UBE2R2: variants seen among roughly 807,000 people sequenced by gnomAD.
UBE2R2 encodes the protein ubiquitin-conjugating enzyme E2 R2.
UBE2R2 carries 1 observed loss-of-function variant against 27.8 expected under a neutral mutation model. That is an observed-to-expected ratio of 0.04 (90% CI 0.01 to 0.17). UBE2R2 has a LOEUF of 0.17. UBE2R2 is among the 10% of genes least tolerant of loss of function. UBE2R2 has a pLI of 1.00. For synonymous variants in UBE2R2, 106 were observed against 113.3 expected (o/e 0.94, Z 0.41); for missense variants, 100 against 291.0 (o/e 0.34, Z 4.78).
rs1825813507 is a variant in UBE2R2, at chr9:33,817,370, G to T, written c.-388G>T. ...GAGCGAGCGCGGCGTTCCCGGGCCGGCCCGGCCCCCTCCCTTCACCATCGC... is the reference window on the plus strand; with the variant it reads ...GAGCGAGCGCGGCGTTCCCGGGCCGTCCCGGCCCCCTCCCTTCACCATCGC... On this transcript the variant is annotated 5_prime_UTR_variant, in exon 1 of 5. Transcript: ENST00000263228. Among the ~76,000 whole-genome samples the T allele has an allele frequency of 6.7e-6, 1 of 149,764 alleles. No homozygotes were observed. Among genetic ancestry groups the T allele is most frequent in the Non-Finnish European group, 1.5e-5 (1 of 67,078 alleles).
chr9:33,848,761 C>G (rs62555908), intron 1 of UBE2R2, among the ~76,000 whole-genome samples: 1 of 151,798 alleles, frequency 6.6e-6, no homozygotes, highest in Non-Finnish European at 1.5e-5. Context: ...CCTGCCACCA[C>G]GCCTGGCAGA....
intron 1 of UBE2R2, among the ~76,000 whole-genome samples, chr9:33,827,127 T>C (rs1259137171): frequency 6.6e-6 from 1 of 152,040 alleles, no homozygotes; most frequent in East Asian, 1.9e-4. Context: ...TTTTGGTTAT[T>C]GTCTTATTAT....
Position 33,920,231 on chromosome 9 carries a change from T to TAATA in UBE2R2, c.*2995_*2998dup, listed in dbSNP as rs1252211986. On this transcript the variant is annotated 3_prime_UTR_variant, in exon 5 of 5. Coordinates refer to ENST00000263228, the MANE Select transcript of UBE2R2 (RefSeq NM_017811.4). ...GAAACCAGCAGGACACACCTGACTTTAATAGTTTTAGCTGAAATTGTAGAT... is the reference window on the plus strand; with the variant it reads ...GAAACCAGCAGGACACACCTGACTTTAATAAATAGTTTTAGCTGAAATTGTAGAT... 2 of 151,668 alleles carry TAATA rather than the reference T, an allele frequency of 1.3e-5. No homozygotes were observed. Among genetic ancestry groups the TAATA allele is most frequent in the African/African-American group, 4.9e-5 (2 of 40,518 alleles). 9.4% of individuals were successfully genotyped at this position (151,668 alleles called of 1,614,324 possible). A position where few individuals can be genotyped will look rare whatever the true frequency, so the allele number is the denominator to read the frequency against.
intron 1 of UBE2R2, among the ~76,000 whole-genome samples, chr9:33,873,569 A>T (rs1587460931): frequency 6.6e-6 from 1 of 152,204 alleles, no homozygotes; most frequent in South Asian, 2.1e-4. Flanking sequence ...CAAACTTCTT[A>T]AGGAAGTTCA....
At chr9:33,913,991 G>T (rs1259197286) in intron 4 of UBE2R2, among the ~76,000 whole-genome samples, 1 of 152,152 alleles carries the variant, frequency 6.6e-6, no homozygotes. Context: ...AGATCAGAAA[G>T]CTTAGGTATA....
At chr9:33,839,489 C>T (rs1292737835) in intron 1 of UBE2R2, among the ~76,000 whole-genome samples, 1 of 152,174 alleles carries the variant, frequency 6.6e-6, no homozygotes, top group Non-Finnish European at 1.5e-5. Context: ...CCACCCGCCT[C>T]AGCCTTCCAA....
intron 2 of UBE2R2, among the ~76,000 whole-genome samples, chr9:33,899,095 C>G (rs966719591): frequency 2.0e-5 from 3 of 152,178 alleles, no homozygotes; most frequent in Non-Finnish European, 2.9e-5. Context: ...AGATATTAAG[C>G]AAGGTTAGAT....
chr9:33,818,190 G>A (rs1825865704), intron 1 of UBE2R2, among the ~76,000 whole-genome samples: 1 of 152,184 alleles, frequency 6.6e-6, no homozygotes, highest in African/African-American at 2.4e-5. Context: ...TCTCTGGTTA[G>A]GGTAGTGTCT....
At chr9:33,892,911 T>TAA (rs140913929) in intron 2 of UBE2R2, among the ~76,000 whole-genome samples, 2 of 148,012 alleles carry the variant, frequency 1.4e-5, no homozygotes, top group African/African-American at 2.5e-5. Flanking sequence ...ACTTCCTTAT[T>TAA]AAAAAAAAAA....
intron 1 of UBE2R2, among the ~76,000 whole-genome samples, chr9:33,839,742 T>C (rs993445175): frequency 1.3e-5 from 2 of 152,186 alleles, no homozygotes; most frequent in African/African-American, 4.8e-5. Context: ...ATGCCTATAA[T>C]CCTAGCACTT....
rs184795883 is a variant in UBE2R2, at chr9:33,828,642, A to G, written c.177+10708A>G. On this transcript the variant is annotated intron_variant, in intron 1 of 4. Transcript: ENST00000263228. ...AGTGGTGCGAGCTCGGCTCACTGCAATCTCCGCCTCCCTGGTTTAAGCAAT... is the reference window on the plus strand; with the variant it reads ...AGTGGTGCGAGCTCGGCTCACTGCAGTCTCCGCCTCCCTGGTTTAAGCAAT... Among the ~76,000 whole-genome samples, 46 of 151,990 alleles carry G rather than the reference A, an allele frequency of 3.0e-4. No individual in the cohort carries two copies. The East Asian group carries it at 8.6e-3, about 28-fold the overall frequency.
intron 1 of UBE2R2, chr9:33,831,139 T>G (rs1820468183): frequency 6.7e-6 from 1 of 149,508 alleles, no homozygotes; most frequent in African/African-American, 2.5e-5. Flanking sequence ...ATGTAGTAGT[T>G]CTTCACAGAA....
intron 1 of UBE2R2, among the ~76,000 whole-genome samples, chr9:33,855,244 C>T (rs1216312828): frequency 1.3e-5 from 2 of 151,888 alleles, no homozygotes; most frequent in African/African-American, 4.8e-5. Flanking sequence ...CTTCAGCTTT[C>T]CTTCAGTTTA....
intron 1 of UBE2R2, among the ~76,000 whole-genome samples, chr9:33,869,087 G>A (rs1440966953): frequency 6.6e-6 from 1 of 152,062 alleles, no homozygotes; most frequent in Non-Finnish European, 1.5e-5. Context: ...GGGCAATATG[G>A]CAGAATCCTG....
chr9:33,855,738 G>C (rs185176453), intron 1 of UBE2R2, among the ~76,000 whole-genome samples: 2 of 152,294 alleles, frequency 1.3e-5, no homozygotes, highest in Admixed American at 1.3e-4. Context: ...GGAAAGGCTG[G>C]AACAGTGGAT....
chr9:33,856,579 C>T (rs960914813), intron 1 of UBE2R2, among the ~76,000 whole-genome samples: 3 of 152,056 alleles, frequency 2.0e-5, no homozygotes, highest in Non-Finnish European at 4.4e-5. Flanking sequence ...TTTATCTTTC[C>T]CATTATAGTG....
chr9:33,865,840 T>G (rs1329341538), intron 1 of UBE2R2, among the ~76,000 whole-genome samples: 3 of 151,130 alleles, frequency 2.0e-5, no homozygotes, highest in Admixed American at 1.3e-4. Flanking sequence ...TTTTTGTTTT[T>G]TTTTTTTTGA....
chr9:33,822,424 AC>A (rs1825998150), intron 1 of UBE2R2, among the ~76,000 whole-genome samples: 1 of 125,514 alleles, frequency 8.0e-6, no homozygotes, highest in African/African-American at 3.1e-5. Context: ...ACTCTTCAAA[AC>A]CTTTTTTTTT....
chr9:33,868,979 G>T (rs1821422603), intron 1 of UBE2R2, among the ~76,000 whole-genome samples: 1 of 152,114 alleles, frequency 6.6e-6, no homozygotes, highest in Non-Finnish European at 1.5e-5. Flanking sequence ...ATATGTAATT[G>T]TTTTTTGGCC....
Sources: allele counts gnomAD v4.1 joint callset (sites outside exome capture counted in the v4.1 genomes callset), GRCh38; gene constraint gnomAD v4.1.1; transcripts MANE v1.5; gene names NCBI Gene and HGNC (gene_info 2026-07-23, HGNC 2026-07-21).